Variants in STK39 observed in about 807,000 individuals in gnomAD.
The protein encoded by STK39 is STE20/SPS1-related proline-alanine-rich protein kinase.
Under a neutral mutation model 77.8 loss-of-function variants are expected in STK39, and 20 were observed. The observed-to-expected ratio is 0.26, with a 90% CI of 0.18 to 0.37. The LOEUF (loss-of-function observed/expected upper bound fraction) is 0.37. STK39 is among the 10% of genes least tolerant of loss of function. The probability of loss-of-function intolerance (pLI) is 1.00; values close to 1 mark genes in which losing one functional copy is unlikely to be tolerated. For missense variants in STK39, 479 were observed against 656.5 expected (o/e 0.73, Z 2.95); for synonymous variants, 246 against 234.1 (o/e 1.05, Z -0.47).
intron 10 of STK39, among the ~76,000 whole-genome samples, chr2:168,099,745 A>G (rs1007214629): frequency 1.3e-5 from 2 of 152,254 alleles, no homozygotes; most frequent in African/African-American, 4.8e-5. Flanking sequence ...GAATTTCTTC[A>G]TGTCACAATA....
intron 2 of STK39, among the ~76,000 whole-genome samples, chr2:168,179,410 G>A (rs1193502482): frequency 6.6e-6 from 1 of 151,980 alleles, no homozygotes. Flanking sequence ...ATTTTTGTTT[G>A]AAAACGACCT....
intron 1 of STK39, among the ~76,000 whole-genome samples, chr2:168,187,556 TC>T (rs1559138541): frequency 6.6e-6 from 1 of 152,140 alleles, no homozygotes; most frequent in African/African-American, 2.4e-5. Context: ...ACAAAAAAAG[TC>T]TTTGAAACTG....
intron 10 of STK39, among the ~76,000 whole-genome samples, chr2:168,099,453 C>G (rs556709353): frequency 6.6e-6 from 1 of 152,306 alleles, no homozygotes; most frequent in African/African-American, 2.4e-5. Context: ...TGGCTTCATT[C>G]CCTAACTACT....
intron 16 of STK39, among the ~76,000 whole-genome samples, chr2:167,995,387 C>T (rs1182386249): frequency 6.6e-6 from 1 of 152,106 alleles, no homozygotes; most frequent in East Asian, 1.9e-4. Context: ...GGATTACAGG[C>T]GTGAGCCCCC....
At chr2:168,128,964 T>C (rs1321564919) in intron 10 of STK39, among the ~76,000 whole-genome samples, 1 of 152,192 alleles carries the variant, frequency 6.6e-6, no homozygotes, top group Middle Eastern at 3.4e-3. Context: ...TACAAATAAA[T>C]AAGTCTCTGG....
chr2:168,006,240 T>C lies in STK39; in HGVS notation c.1498+6394A>G, dbSNP rs150357516. Among the ~76,000 whole-genome samples, 21 of 152,340 alleles carry C rather than the reference T, an allele frequency of 1.4e-4. No individual in the cohort carries two copies. In the East Asian group the frequency reaches 3.3e-3, roughly 24 times the overall value. On this transcript the variant is annotated intron_variant, in intron 16 of 17. Transcript: ENST00000355999. Reference sequence around the variant, plus strand: ...TGGCCTCTGTATTGAGCCGTGCAGATTGAAGTTCAGCAGCTTTGTAGGAGT... The same window carrying C: ...TGGCCTCTGTATTGAGCCGTGCAGACTGAAGTTCAGCAGCTTTGTAGGAGT...
intron 2 of STK39, 129 bp from the exon 3 acceptor site, chr2:168,167,536 A>C (rs1461621349): frequency 2.8e-6 from 2 of 705,372 alleles, no homozygotes; most frequent in Admixed American, 2.5e-5. Flanking sequence ...TGCCTAAGCC[A>C]TTACTTCAAA....
chr2:168,245,664 T>C (rs1038496147), intron 1 of STK39, among the ~76,000 whole-genome samples: 4 of 152,154 alleles, frequency 2.6e-5, no homozygotes, highest in Non-Finnish European at 5.9e-5. Flanking sequence ...CAGCGGTGTA[T>C]TCAGGAAGCA....
chr2:168,145,960 G>A (rs1688126950), intron 5 of STK39, among the ~76,000 whole-genome samples: 1 of 152,152 alleles, frequency 6.6e-6, no homozygotes, highest in Non-Finnish European at 1.5e-5. Flanking sequence ...GAAAATAAAG[G>A]TTCTTAGCAC....
chr2:168,058,574 C>T (rs535345079), intron 14 of STK39, among the ~76,000 whole-genome samples: 5 of 152,340 alleles, frequency 3.3e-5, no homozygotes, highest in Admixed American at 2.0e-4. Flanking sequence ...AGACAACTCA[C>T]GCTTAACATG....
intron 16 of STK39, among the ~76,000 whole-genome samples, chr2:167,979,762 C>T (rs1376142377): frequency 6.6e-6 from 1 of 152,156 alleles, no homozygotes; most frequent in Non-Finnish European, 1.5e-5. Flanking sequence ...TGACTTTCTT[C>T]TACGGATTTT....
chr2:167,975,059 T>G (rs774531275), intron 16 of STK39, among the ~76,000 whole-genome samples: 2 of 152,222 alleles, frequency 1.3e-5, no homozygotes, highest in Admixed American at 6.5e-5. Context: ...ACAACTGGTA[T>G]TCAAAAGTTA....
At chr2:168,194,259 T>C (rs2105658389) in intron 1 of STK39, among the ~76,000 whole-genome samples, 1 of 151,856 alleles carries the variant, frequency 6.6e-6, no homozygotes, top group East Asian at 1.9e-4. Context: ...ATTTAAAAAA[T>C]AAAAATAAAA....
rs1685637749 is a variant in STK39, at chr2:168,060,519, A to G, written c.1376+2981T>C. ...CATCCCGATCTCCACAACTATGAGA[A>G]AATACATTTCTGTTGTTTCAGCCGC... On this transcript the variant is annotated intron_variant, in intron 14 of 17. Transcript: ENST00000355999. 2.6e-5 allele frequency among the ~76,000 whole-genome samples: 4 copies of G among 152,228 alleles called. No homozygotes were observed. The South Asian group carries it at 8.3e-4, about 32-fold the overall frequency.
intron 10 of STK39, among the ~76,000 whole-genome samples, chr2:168,088,867 C>T (rs914717444): frequency 6.6e-6 from 1 of 152,192 alleles, no homozygotes; most frequent in Non-Finnish European, 1.5e-5. Context: ...TATCACTAAA[C>T]TAACTTAGAA....
At chr2:168,211,562 A>C (rs184388768) in intron 1 of STK39, among the ~76,000 whole-genome samples, 1 of 152,318 alleles carries the variant, frequency 6.6e-6, no homozygotes, top group Non-Finnish European at 1.5e-5. Context: ...TGATGATAGG[A>C]AGTATTCCTG....
intron 1 of STK39, among the ~76,000 whole-genome samples, chr2:168,208,536 C>T (rs1381092647): frequency 6.6e-6 from 1 of 152,188 alleles, no homozygotes; most frequent in Non-Finnish European, 1.5e-5. Context: ...CTTATGAATC[C>T]ACTCCACCAT....
chr2:168,089,848 G>A (rs1686470316), intron 10 of STK39, among the ~76,000 whole-genome samples: 1 of 152,172 alleles, frequency 6.6e-6, no homozygotes. Flanking sequence ...CCTGACCTCA[G>A]GTGATGCACT....
chr2:167,966,278 T>C (rs971203866), intron 16 of STK39, among the ~76,000 whole-genome samples: 7 of 152,200 alleles, frequency 4.6e-5, no homozygotes, highest in Admixed American at 3.3e-4. Context: ...GCAAGAAACA[T>C]TGGCTCATGG....
Sources: allele counts gnomAD v4.1 joint callset (sites outside exome capture counted in the v4.1 genomes callset), GRCh38; gene constraint gnomAD v4.1.1; transcripts MANE v1.5; gene names NCBI Gene and HGNC (gene_info 2026-07-23, HGNC 2026-07-21).